The following PLB1 variants were observed in gnomAD, a reference collection of about 807,000 sequenced individuals.
The protein encoded by PLB1 is phospholipase B1, membrane-associated.
Under a neutral mutation model 227.4 loss-of-function variants are expected in PLB1, and 242 were observed. That is an observed-to-expected ratio of 1.06 (90% CI 0.96 to 1.18). The LOEUF is 1.18. PLB1 is among the 50% of genes most tolerant of loss of function. The probability of loss-of-function intolerance (pLI) is 0.00; values close to 1 mark genes in which losing one functional copy is unlikely to be tolerated. For missense variants in PLB1, 1,858 were observed against 1,816.3 expected (o/e 1.02, Z -0.42); for synonymous variants, 757 against 682.2 (o/e 1.11, Z -1.71).
intron 16 of PLB1, 71 bp from the exon 17 acceptor site, chr2:28,552,857 G>A (rs1490347820): frequency 1.5e-5 from 19 of 1,249,368 alleles, no homozygotes; most frequent in Non-Finnish European, 2.2e-5. Flanking sequence ...CCAAAATAGA[G>A]GCCCCACTTC....
intron 1 of PLB1, among the ~76,000 whole-genome samples, chr2:28,503,221 C>A (rs1367285715): frequency 1.3e-5 from 2 of 151,996 alleles, no homozygotes; most frequent in African/African-American, 2.4e-5. Context: ...GGCCTGATCA[C>A]AGCTCACTGC....
intron 9 of PLB1, among the ~76,000 whole-genome samples, chr2:28,535,945 T>C (rs1258142380): frequency 6.6e-6 from 1 of 151,884 alleles, no homozygotes; most frequent in Admixed American, 6.6e-5. Flanking sequence ...ACAAAACAAA[T>C]GCTCTGTAGA....
At chr2:28,576,734 A>G (rs1679020117) in intron 21 of PLB1, among the ~76,000 whole-genome samples, 1 of 152,236 alleles carries the variant, frequency 6.6e-6, no homozygotes, top group Non-Finnish European at 1.5e-5. Context: ...AGTCTCAAAA[A>G]AAAGAGTTTC....
chr2:28,634,932 A>T (rs538026560), intron 56 of PLB1, among the ~76,000 whole-genome samples: 59 of 151,980 alleles, frequency 3.9e-4, no homozygotes, highest in South Asian at 2.5e-3. Flanking sequence ...AGAAAAAAAA[A>T]ATATATGTAG....
At chr2:28,631,306 G>A (rs1431935468) in intron 54 of PLB1, among the ~76,000 whole-genome samples, 9 of 152,034 alleles carry the variant, frequency 5.9e-5, no homozygotes. Context: ...GGCTCAGGTA[G>A]CATTTCCATT....
intron 44 of PLB1, among the ~76,000 whole-genome samples, chr2:28,614,426 G>T (rs1018686168): frequency 2.6e-5 from 4 of 152,190 alleles, no homozygotes; most frequent in African/African-American, 9.7e-5. Flanking sequence ...GTGTGATGTG[G>T]CGTTGACTTC....
At chr2:28,604,787 C>T (rs896343626) in intron 41 of PLB1, 28 bp downstream of exon 41, 1 of 1,593,728 alleles carries the variant, frequency 6.3e-7, no homozygotes, top group Non-Finnish European at 8.6e-7. Flanking sequence ...ACCCATGGTA[C>T]TCTTTTAGAG....
rs1002413418 is a variant in PLB1, at chr2:28,517,297, A to G, written c.117+428A>G. On this transcript the variant is annotated intron_variant, in intron 2 of 57. Coordinates refer to ENST00000327757, the MANE Select transcript of PLB1 (RefSeq NM_153021.5). ...TTTCTTGTGAAGTGAGATGTCCTCAATCACCTCATTTACTGCATGTTTTTC... is the reference window on the plus strand; with the variant it reads ...TTTCTTGTGAAGTGAGATGTCCTCAGTCACCTCATTTACTGCATGTTTTTC... Among the ~76,000 whole-genome samples, 4 of 152,212 alleles carry G rather than the reference A, an allele frequency of 2.6e-5. No individual in the cohort carries two copies. The South Asian group carries it at 6.2e-4, about 24-fold the overall frequency.
intron 2 of PLB1, 94 bp downstream of exon 2, chr2:28,516,963 A>G (rs1217947168): frequency 1.6e-6 from 2 of 1,266,636 alleles, no homozygotes; most frequent in South Asian, 1.3e-5. Context: ...GTGCAAGTTG[A>G]CAGGCCCCTT....
At chr2:28,633,620 G>A (rs1401928842) in intron 56 of PLB1, among the ~76,000 whole-genome samples, 1 of 152,218 alleles carries the variant, frequency 6.6e-6, no homozygotes, top group Non-Finnish European at 1.5e-5. Context: ...AGTCCTTTCT[G>A]ATGGGAAGAA....
At chr2:28,500,089 C>T (rs1666912723) in intron 1 of PLB1, among the ~76,000 whole-genome samples, 1 of 152,108 alleles carries the variant, frequency 6.6e-6, no homozygotes, top group African/African-American at 2.4e-5. Flanking sequence ...CTTTTATCTG[C>T]TAATGTTGTG....
chr2:28,521,746 C>CA (rs1669557224), intron 4 of PLB1, among the ~76,000 whole-genome samples: 1 of 152,060 alleles, frequency 6.6e-6, no homozygotes, highest in Admixed American at 6.5e-5. Flanking sequence ...CTGGTCTTAG[C>CA]AAAGCTCCAC....
chr2:28,532,317 CATGGATGG>C (rs10656827), intron 9 of PLB1, 123 bp downstream of exon 9: 140 of 597,690 alleles, frequency 2.3e-4, no homozygotes, highest in Non-Finnish European at 3.2e-4. Context: ...TATTTTAGAA[CATGGATGG>C]ATGGATGGAT....
rs899150 is a variant in PLB1 at position 28,626,658 on chromosome 2, A to G, written c.3660+150A>G. On this transcript the variant is annotated intron_variant, in intron 51 of 57. Coordinates refer to ENST00000327757, the MANE Select transcript of PLB1 (RefSeq NM_153021.5). Reference sequence around the variant, plus strand: ...GCCCCAGGCCCTCCCTGGTTTACACATGCCAGGCAAGGCCCAGCCTTTTCT... The same window carrying G: ...GCCCCAGGCCCTCCCTGGTTTACACGTGCCAGGCAAGGCCCAGCCTTTTCT... 4,051 of 712,136 alleles carry G rather than the reference A, an allele frequency of 5.7e-3. 115 individuals are homozygous for G. In the African/African-American group the frequency reaches 0.064, roughly 11 times the overall value. The allele number at this position is 712,136 out of a possible 1,614,324, so 44.1% of individuals were successfully genotyped here.
intron 4 of PLB1, among the ~76,000 whole-genome samples, chr2:28,523,345 T>G (rs934714711): frequency 1.3e-5 from 2 of 151,250 alleles, no homozygotes; most frequent in Non-Finnish European, 2.9e-5. Context: ...GTTTTTTTTT[T>G]TTTTTTTTTT....
intron 14 of PLB1, among the ~76,000 whole-genome samples, chr2:28,544,727 A>G (rs1357520315): frequency 1.3e-5 from 2 of 152,110 alleles, no homozygotes; most frequent in Non-Finnish European, 2.9e-5. Context: ...GCTTTGTGAA[A>G]TGTGTTGGAG....
In PLB1 at chr2:28,565,258, C is replaced by T. The variant is rs762117188; in HGVS notation, c.1207-22C>T. 6 of 1,602,550 alleles carry T rather than the reference C, an allele frequency of 3.7e-6. No homozygotes were observed. The Admixed American group carries it at 5.1e-5, about 14-fold the overall frequency. ...CCACTGGGGAAAGCAGAGAAACTCACCCCCTCATTGTTCCCTCTCAGGCAG... is the reference window on the plus strand; with the variant it reads ...CCACTGGGGAAAGCAGAGAAACTCATCCCCTCATTGTTCCCTCTCAGGCAG... On this transcript the variant is annotated intron_variant, in intron 18 of 57. Coordinates refer to ENST00000327757, the MANE Select transcript of PLB1 (RefSeq NM_153021.5).
At chr2:28,505,857 C>G (rs1558631970) in intron 1 of PLB1, among the ~76,000 whole-genome samples, 1 of 152,170 alleles carries the variant, frequency 6.6e-6, no homozygotes, top group Non-Finnish European at 1.5e-5. Context: ...TAGTTGGTGG[C>G]ATAGCCATCC....
At chr2:28,499,344 C>G (rs765990812) in intron 1 of PLB1, among the ~76,000 whole-genome samples, 10 of 152,008 alleles carry the variant, frequency 6.6e-5, no homozygotes, top group Admixed American at 3.3e-4. Context: ...AATCCAGGCT[C>G]AAGTCTGGAT....
Sources: allele counts gnomAD v4.1 joint callset (sites outside exome capture counted in the v4.1 genomes callset), GRCh38; gene constraint gnomAD v4.1.1; transcripts MANE v1.5; gene names NCBI Gene and HGNC (gene_info 2026-07-23, HGNC 2026-07-21).